AUTS2: variants seen among roughly 807,000 people sequenced by gnomAD.
AUTS2 encodes autism susceptibility gene 2 protein.
AUTS2 carries 17 observed loss-of-function variants against 112.4 expected under a neutral mutation model. That is an observed-to-expected ratio of 0.15 (90% CI 0.10 to 0.23). AUTS2 has a LOEUF of 0.23. AUTS2 is among the 10% of genes least tolerant of loss of function. AUTS2 has a pLI of 1.00. For missense variants in AUTS2, 1,510 were observed against 1,701.6 expected (o/e 0.89, Z 1.98); for synonymous variants, 751 against 702.7 (o/e 1.07, Z -1.09).
At chr7:70,714,970 T>G (rs528878286) in intron 6 of AUTS2, among the ~76,000 whole-genome samples, 1 of 152,338 alleles carries the variant, frequency 6.6e-6, no homozygotes, top group Admixed American at 6.5e-5. Flanking sequence ...TCTCATGGTC[T>G]CATCTATTGA....
intron 1 of AUTS2, among the ~76,000 whole-genome samples, chr7:69,763,624 A>G (rs1483987591): frequency 1.3e-5 from 2 of 152,068 alleles, no homozygotes; most frequent in Admixed American, 1.3e-4. Flanking sequence ...AGGCTGTTTG[A>G]TCTTGGGAAG....
chr7:70,745,181 T>G (rs1788377620), intron 6 of AUTS2, among the ~76,000 whole-genome samples: 1 of 152,210 alleles, frequency 6.6e-6, no homozygotes, highest in African/African-American at 2.4e-5. Context: ...GAGATTTTTA[T>G]TGTGTCAAGA....
chr7:69,618,274 C>T (rs758006789), intron 1 of AUTS2, among the ~76,000 whole-genome samples: 14 of 152,188 alleles, frequency 9.2e-5, no homozygotes, highest in Non-Finnish European at 1.8e-4. Context: ...TAGGGCCTAG[C>T]CTTGGGAGTA....
intron 2 of AUTS2, among the ~76,000 whole-genome samples, chr7:70,060,234 T>G (rs1802181359): frequency 6.6e-6 from 1 of 152,230 alleles, no homozygotes; most frequent in Middle Eastern, 3.2e-3. Context: ...TCATTTGAGC[T>G]GAACAGCTTT....
rs1584294319 is a variant in AUTS2, at chr7:69,821,511, A to G, written c.310-77775A>G. ...CCCCAGCCAGCGGTAGCAATGCAGC[A>G]CTGATCCCCTTCCATACTGTGGAAG... On this transcript the variant is annotated intron_variant, in intron 1 of 18. Coordinates refer to ENST00000342771, the MANE Select transcript of AUTS2 (RefSeq NM_015570.4). Among the ~76,000 whole-genome samples, 4 of 152,234 alleles carry G rather than the reference A, an allele frequency of 2.6e-5. No homozygotes were observed. The South Asian group carries it at 8.3e-4, about 32-fold the overall frequency.
chr7:70,698,547 T>C (rs1412009834), intron 5 of AUTS2, 22 bp from the exon 6 acceptor site: 3 of 1,594,468 alleles, frequency 1.9e-6, no homozygotes, highest in East Asian at 2.2e-5. Context: ...ATAATGCTTT[T>C]TTCCCCCTTC....
At chr7:69,991,719 T>C (rs1172948879) in intron 2 of AUTS2, among the ~76,000 whole-genome samples, 1 of 152,172 alleles carries the variant, frequency 6.6e-6, no homozygotes, top group Non-Finnish European at 1.5e-5. Flanking sequence ...GTTGAAAGTT[T>C]TGTTAGAGCT....
intron 1 of AUTS2, among the ~76,000 whole-genome samples, chr7:69,606,475 G>A (rs766511437): frequency 2.0e-5 from 3 of 152,148 alleles, no homozygotes; most frequent in Non-Finnish European, 4.4e-5. Flanking sequence ...TGGGTTAGTG[G>A]CTTTACATTT....
At chr7:69,797,364 C>T (rs1256756794) in intron 1 of AUTS2, among the ~76,000 whole-genome samples, 2 of 152,168 alleles carry the variant, frequency 1.3e-5, no homozygotes, top group African/African-American at 4.8e-5. Flanking sequence ...GGATTATGTG[C>T]AGATCCCGAA....
At chr7:69,691,167 A>G (rs1027606419) in intron 1 of AUTS2, among the ~76,000 whole-genome samples, 3 of 152,116 alleles carry the variant, frequency 2.0e-5, no homozygotes, top group Non-Finnish European at 4.4e-5. Context: ...TGATTGGTCC[A>G]TGGGTGGCCA....
chr7:70,429,346 A>T (rs563685002), intron 4 of AUTS2, among the ~76,000 whole-genome samples: 1 of 152,374 alleles, frequency 6.6e-6, no homozygotes, highest in African/African-American at 2.4e-5. Context: ...TGTGGCAAAC[A>T]ACGGCAGTAC....
At chr7:69,778,470 C>A (rs1788995174) in intron 1 of AUTS2, among the ~76,000 whole-genome samples, 1 of 151,678 alleles carries the variant, frequency 6.6e-6, no homozygotes, top group South Asian at 2.1e-4. Context: ...GGGGTAGGAC[C>A]TAAGCATTTT....
intron 1 of AUTS2, among the ~76,000 whole-genome samples, chr7:69,828,888 G>A (rs190417442): frequency 5.3e-5 from 8 of 152,122 alleles, no homozygotes; most frequent in Admixed American, 1.3e-4. Flanking sequence ...CATAGTATAA[G>A]GCAAAAATTA....
chr7:69,763,779 G>A (rs578064333), intron 1 of AUTS2, among the ~76,000 whole-genome samples: 1 of 152,282 alleles, frequency 6.6e-6, no homozygotes, highest in East Asian at 1.9e-4. Flanking sequence ...CTGTGGTTTT[G>A]TCATCATTAT....
chr7:70,310,718 C>T (rs1293666906), intron 4 of AUTS2, among the ~76,000 whole-genome samples: 1 of 151,942 alleles, frequency 6.6e-6, no homozygotes, highest in Non-Finnish European at 1.5e-5. Flanking sequence ...TCCCTTAGTT[C>T]TCAGTCTGTT....
At chr7:70,171,768 G>A (rs761571105) in intron 4 of AUTS2, among the ~76,000 whole-genome samples, 1 of 152,146 alleles carries the variant, frequency 6.6e-6, no homozygotes, top group Admixed American at 6.5e-5. Context: ...AATGGAGACG[G>A]TTATAAGAAA....
chr7:70,062,519 A>G (rs944911186), intron 2 of AUTS2, among the ~76,000 whole-genome samples: 1 of 152,030 alleles, frequency 6.6e-6, no homozygotes. Flanking sequence ...TCTCAAAAAA[A>G]AAAAAAAAGG....
intron 4 of AUTS2, among the ~76,000 whole-genome samples, chr7:70,384,608 A>G (rs1243676610): frequency 6.6e-6 from 1 of 152,176 alleles, no homozygotes; most frequent in African/African-American, 2.4e-5. Context: ...TTGTCTGTGC[A>G]GGGAAAAGAG....
At chr7:69,668,199 T>C (rs1021396796) in intron 1 of AUTS2, among the ~76,000 whole-genome samples, 3 of 152,248 alleles carry the variant, frequency 2.0e-5, no homozygotes, top group East Asian at 1.9e-4. Flanking sequence ...GTTTGACTTA[T>C]TTTGCTTTTA....
Sources: allele counts gnomAD v4.1 joint callset (sites outside exome capture counted in the v4.1 genomes callset), GRCh38; gene constraint gnomAD v4.1.1; transcripts MANE v1.5; gene names NCBI Gene and HGNC (gene_info 2026-07-23, HGNC 2026-07-21).